LTBP3: variants seen among roughly 807,000 people sequenced by gnomAD.
LTBP3 encodes the protein latent transforming growth factor beta binding protein 3.
LTBP3 carries 97 observed loss-of-function variants against 159.7 expected under a neutral mutation model. The ratio of observed to expected loss-of-function variants is 0.61; its 90% CI spans 0.52 to 0.72. The LOEUF is 0.72. Ranked by LOEUF, LTBP3 falls within the 30% of genes least tolerant of loss-of-function variation. The pLI is 0.00. For synonymous variants in LTBP3, 824 were observed against 777.1 expected, an observed-to-expected ratio of 1.06 and a Z score of -1.00; for missense variants, 1,584 against 1,864.3, an observed-to-expected ratio of 0.85 and a Z score of 2.77.
chr11:65,553,038 C>T lies in LTBP3; in HGVS notation c.1064-56G>A. 1 of 1,613,598 alleles carries T rather than the reference C, an allele frequency of 6.2e-7. No individual in the cohort carries two copies. Among genetic ancestry groups the T allele is most frequent in the East Asian group, 2.2e-5 (1 of 44,884 alleles). On this transcript the variant is annotated intron_variant, in intron 5 of 27. Transcript: ENST00000301873. This position sits in a 1 kb window ranked among gnomAD's most constrained non-coding sequence, Gnocchi z 6.5. ...TCTGGGGCCATGGGGTGACAGCAGGCTGCTCCAAGAACCTCAGGGTCTTGC... is the reference window on the plus strand; with the variant it reads ...TCTGGGGCCATGGGGTGACAGCAGGTTGCTCCAAGAACCTCAGGGTCTTGC...
chr11:65,540,799 T>G (rs1427627889), intron 21 of LTBP3, 72 bp downstream of exon 21: 11 of 1,498,850 alleles, frequency 7.3e-6, no homozygotes, highest in Non-Finnish European at 9.9e-6. Flanking sequence ...ACCCAGCGAG[T>G]CCCGGCGGGA....
intron 20 of LTBP3, 46 bp downstream of exon 20, chr11:65,541,080 G>A: frequency 1.3e-6 from 2 of 1,596,396 alleles, no homozygotes; most frequent in Non-Finnish European, 1.7e-6. Flanking sequence ...TTGGCTTCCA[G>A]ATGAAGAAAC....
Position 65,558,007 on chromosome 11 carries a change from AG to A in LTBP3, c.-49del. ...AGGGGGGGCGCGCCCGGGCGGGGCG[AG>A]GGGCCCGCGCCCGAAGGGAGTAGAG... On this transcript the variant is annotated 5_prime_UTR_variant, in exon 1 of 28. Transcript: ENST00000301873. 1 of 1,090,656 alleles carries A rather than the reference AG, an allele frequency of 9.2e-7. No homozygotes were observed. The highest frequency in any genetic ancestry group is 1.1e-6 in the Non-Finnish European group (1 of 898,230). 67.6% of individuals were successfully genotyped at this position (1,090,656 alleles called of 1,614,324 possible).
rs955474308 is a variant in LTBP3 at position 65,546,285 on chromosome 11, C to A, written c.2353+157G>T. ...TTCCTACGTGGAAATTCTAGTGGTG[C>A]CTTCCTTGGCAAAGTTCGTTGAGAA... On this transcript the variant is annotated intron_variant, in intron 16 of 27. Coordinates refer to ENST00000301873, the MANE Select transcript of LTBP3 (RefSeq NM_001130144.3). The surrounding 1 kb of genome is among the most constrained non-coding windows in gnomAD (Gnocchi z 4.0). The A allele has an allele frequency of 3.2e-6, 3 of 951,674 alleles. No individual in the cohort carries two copies. Among genetic ancestry groups the A allele is most frequent in the Admixed American group, 6.3e-5 (2 of 31,914 alleles). 59.0% of individuals were successfully genotyped at this position (951,674 alleles called of 1,614,324 possible).
rs370953966 is a variant in LTBP3 at position 65,558,133 on chromosome 11, C to G, written c.-174G>C. The G allele has an allele frequency of 2.9e-5, 31 of 1,080,020 alleles. No homozygotes were observed. The South Asian group carries it at 5.0e-4, about 17-fold the overall frequency. 66.9% of individuals were successfully genotyped at this position (1,080,020 alleles called of 1,614,324 possible). On this transcript the variant is annotated 5_prime_UTR_variant, in exon 1 of 28. Coordinates refer to ENST00000301873, the MANE Select transcript of LTBP3 (RefSeq NM_001130144.3). ...GGGCCCGGCGGGAGGCGCGGAGATGCAGACTGGACAGCGGGGAGCGCAGAA... is the reference window on the plus strand; with the variant it reads ...GGGCCCGGCGGGAGGCGCGGAGATGGAGACTGGACAGCGGGGAGCGCAGAA...
intron 18 of LTBP3, 147 bp from the exon 19 acceptor site, chr11:65,541,875 T>A: frequency 1.1e-6 from 1 of 879,886 alleles, no homozygotes; most frequent in Non-Finnish European, 1.8e-6. Context: ...TGTGCATGTG[T>A]CTGAATGTGC....
intron 17 of LTBP3, 63 bp downstream of exon 17, chr11:65,543,364 T>TG: frequency 6.2e-7 from 1 of 1,611,796 alleles, no homozygotes; most frequent in Admixed American, 1.7e-5. Context: ...GACTGGACCC[T>TG]GGGGGGTGGG....
chr11:65,546,669 G>T lies in LTBP3; in HGVS notation c.2231-105C>A. 1 of 1,556,054 alleles carries T rather than the reference G, an allele frequency of 6.4e-7. No individual in the cohort carries two copies. Among genetic ancestry groups the T allele is most frequent in the South Asian group, 1.1e-5 (1 of 87,232 alleles). On this transcript the variant is annotated intron_variant, in intron 15 of 27. Transcript: ENST00000301873. The surrounding 1 kb of genome is among the most constrained non-coding windows in gnomAD (Gnocchi z 4.0). The stretch of plus-strand genomic sequence containing the variant: ...CCTGGAACGCGGGGTTGAGAGGGCA[G>T]CCTCTACTCCCGGAAGGCCCCGCCC...
At position 65,553,812 on chromosome 11, in the gene LTBP3, C is replaced by T. The variant is rs763540109; in HGVS notation, c.753G>A (p.Glu251=). Residue 251 remains glutamate (E), a synonymous_variant, in exon 3 of 28, where the codon GAG becomes GAA. Coordinates refer to ENST00000301873, the MANE Select transcript of LTBP3 (RefSeq NM_001130144.3). The surrounding 1 kb of genome is among the most constrained non-coding windows in gnomAD (Gnocchi z 6.5). The stretch of plus-strand genomic sequence containing the variant: ...GCAGGTGCTGGGAGGGGGCTGCGCT[C>T]TCGGCGTTCGAGCTCTCAATGCGGT... ...QVHRIESSNA[E]SAAPSQHLLP... The T allele has an allele frequency of 1.9e-6, 3 of 1,562,060 alleles. No homozygotes were observed. The highest frequency in any genetic ancestry group is 2.6e-6 in the Non-Finnish European group (3 of 1,161,482).
In LTBP3 at chr11:65,540,234, C is replaced by T; in HGVS notation, c.3244+11G>A. ...CCTCCCGCGTACCCCACTCCCCGGC[C>T]CGGGCCTCACCCATCTCTTCCGGGC... On this transcript the variant is annotated intron_variant, in intron 23 of 27. Coordinates refer to ENST00000301873, the MANE Select transcript of LTBP3 (RefSeq NM_001130144.3). 1 of 1,549,148 alleles carries T rather than the reference C, an allele frequency of 6.5e-7. No homozygotes were observed. Among genetic ancestry groups the T allele is most frequent in the Non-Finnish European group, 8.7e-7 (1 of 1,146,654 alleles).
Position 65,538,934 on chromosome 11 carries a change from G to A in LTBP3, c.*146C>T. ...TAACCGGGGAGGGGGGCCGGTAGGG[G>A]CGCCTCGGGTCTCAAGGCGCCGGGA... On this transcript the variant is annotated 3_prime_UTR_variant, in exon 28 of 28. Transcript: ENST00000301873. 2 of 1,301,556 alleles carry A rather than the reference G, an allele frequency of 1.5e-6. No homozygotes were observed. The highest frequency in any genetic ancestry group is 3.9e-5 in the Admixed American group (1 of 25,896). 80.6% of individuals were successfully genotyped at this position (1,301,556 alleles called of 1,614,324 possible).
In LTBP3 at chr11:65,538,828, C is replaced by A; in HGVS notation, c.*252G>T. 1.2e-6 allele frequency: 1 copy of A among 814,460 alleles called. No homozygotes were observed. The highest frequency in any genetic ancestry group is 2.3e-5 in the South Asian group (1 of 44,006). 50.5% of individuals were successfully genotyped at this position (814,460 alleles called of 1,614,324 possible). On this transcript the variant is annotated 3_prime_UTR_variant, in exon 28 of 28. Transcript: ENST00000301873. Reference sequence around the variant, plus strand: ...TTCGAAAGCCAAGGGTAAAGAGGCACGATCTGATTTATCAGTTTCTAGGAA... The same window carrying A: ...TTCGAAAGCCAAGGGTAAAGAGGCAAGATCTGATTTATCAGTTTCTAGGAA...
Position 65,546,895 on chromosome 11 carries a change from G to A in LTBP3, c.2133C>T (p.Ser711=), listed in dbSNP as rs1856397848. Reference sequence around the variant, plus strand: ...TCTCGCATTTGCCATCCGGGCAAGAGCTTGGGTCCCGGCACTCGTCGATGT... The same window carrying A: ...TCTCGCATTTGCCATCCGGGCAAGAACTTGGGTCCCGGCACTCGTCGATGT... ...CEDIDECRDP[S]SCPDGKCENK... Residue 711 remains serine (S), a synonymous_variant, in exon 15 of 28, where the codon AGC becomes AGT. Transcript: ENST00000301873. The surrounding 1 kb of genome is among the most constrained non-coding windows in gnomAD (Gnocchi z 4.0). 1.2e-6 allele frequency: 2 copies of A among 1,612,562 alleles called. No homozygotes were observed. The highest frequency in any genetic ancestry group is 1.7e-6 in the Non-Finnish European group (2 of 1,179,990).
rs111330939 is a variant in LTBP3, at chr11:65,552,081, G to A, written c.1422C>T (p.Gly474=). ...GCAGGAAAAGGGAAAAGTCACTCTC[G>A]CCCTGAATGGTGAGCGTCTGGTGGG... is the stretch of plus-strand genomic sequence containing the variant. The part of the protein sequence containing the change: ...LTSHQTLTIQ[G]ESDFSLFLHP... The change falls in exon 8 of 28, where the codon GGC becomes GGT. Residue 474 remains glycine, a synonymous_variant. Coordinates refer to ENST00000301873, the MANE Select transcript of LTBP3 (RefSeq NM_001130144.3). The surrounding 1 kb of genome is among the most constrained non-coding windows in gnomAD (Gnocchi z 6.0). 20 of 1,614,146 alleles carry A rather than the reference G, an allele frequency of 1.2e-5. No individual in the cohort carries two copies. Among genetic ancestry groups the A allele is most frequent in the African/African-American group, 6.7e-5 (5 of 75,026 alleles).
rs1056669370 is a variant in LTBP3 at position 65,546,163 on chromosome 11, G to A, written c.2353+279C>T. ...GTATAATAAACAGGAGTGCAGGGGG[G>A]AGTACTATCGTCTGCCCTCATTCTT... On this transcript the variant is annotated intron_variant, in intron 16 of 27. Transcript: ENST00000301873. The surrounding 1 kb of genome is among the most constrained non-coding windows in gnomAD (Gnocchi z 4.0). 6 of 483,392 alleles carry A rather than the reference G, an allele frequency of 1.2e-5. No individual in the cohort carries two copies. The highest frequency in any genetic ancestry group is 3.8e-5 in the Admixed American group (1 of 26,498). 29.9% of individuals were successfully genotyped at this position (483,392 alleles called of 1,614,324 possible). A position where few individuals can be genotyped will look rare whatever the true frequency, so the allele number is the denominator to read the frequency against.
chr11:65,553,759 C>T lies in LTBP3; in HGVS notation c.806G>A (p.Arg269Gln), dbSNP rs1340825955. 6.4e-7 allele frequency: 1 copy of T among 1,573,842 alleles called. No homozygotes were observed. Among genetic ancestry groups the T allele is most frequent in the Admixed American group, 1.8e-5 (1 of 56,184 alleles). ...LLPHPKPSHP[R>Q]PPTQKPLGRC... ...GCCCAGGGGCTTCTGGGTGGGCGGC[C>T]GGGGGTGCGAGGGCTTGGGGTGCGG... The change falls in exon 3 of 28, where the codon CGG becomes CAG. Residue 269 changes from arginine (R) to glutamine (Q), a missense_variant. Coordinates refer to ENST00000301873, the MANE Select transcript of LTBP3 (RefSeq NM_001130144.3). The surrounding 1 kb of genome is among the most constrained non-coding windows in gnomAD (Gnocchi z 6.5).
Position 65,548,007 on chromosome 11 carries a change from G to A in LTBP3, c.1759C>T (p.His587Tyr). 1 of 1,613,894 alleles carries A rather than the reference G, an allele frequency of 6.2e-7. No individual in the cohort carries two copies. The highest frequency in any genetic ancestry group is 8.5e-7 in the Non-Finnish European group (1 of 1,179,986). ...ECRLNQNICG[H>Y]GECVPGPPDY... ...GGGGGGCCCGGCACGCACTCTCCGT[G>A]GCCACAGATGTTCTGGTTCAGTCGG... The change falls in exon 12 of 28, where the codon CAC (histidine) becomes TAC (tyrosine). Residue 587 changes from histidine to tyrosine, a missense_variant. Transcript: ENST00000301873.
Position 65,540,302 on chromosome 11 carries a change from T to A in LTBP3, c.3187A>T (p.Thr1063Ser), listed in dbSNP as rs748024479. ...GCGGGACTGTACTCGGCAGGGGGCG[T>A]GCAGGCACAGCGGTAGCCGCCGCGC... is the stretch of plus-strand genomic sequence containing the variant. ...NTRGGYRCAC[T>S]PPAEYSPAQR... Residue 1063 changes from threonine to serine, a missense_variant, in exon 23 of 28, where the codon ACG becomes TCG. This residue lies in a region of LTBP3 where 514 missense variants were observed against 530.3 expected (regional missense o/e 0.97). Coordinates refer to ENST00000301873, the MANE Select transcript of LTBP3 (RefSeq NM_001130144.3). The A allele has an allele frequency of 1.9e-6, 3 of 1,564,772 alleles. No homozygotes were observed. Among genetic ancestry groups the A allele is most frequent in the Non-Finnish European group, 2.6e-6 (3 of 1,154,990 alleles).
In LTBP3 at chr11:65,551,190, G is replaced by C. The variant is rs914060784; in HGVS notation, c.1656C>G (p.Arg552=). The change falls in exon 11 of 28, where the codon CGC becomes CGG. Residue 552 remains arginine (R), a synonymous_variant. Coordinates refer to ENST00000301873, the MANE Select transcript of LTBP3 (RefSeq NM_001130144.3). ...AAGGAGGCAAGTCCGGCAGGAACCA[G>C]CGCATGGTCGGGGGCGAGGGACGGG... ...LISRPSPPTM[R]WFLPDLPPSR... 7 of 1,551,148 alleles carry C rather than the reference G, an allele frequency of 4.5e-6. No homozygotes were observed. The highest frequency in any genetic ancestry group is 6.1e-6 in the Non-Finnish European group (7 of 1,148,144).
Sources: allele counts gnomAD v4.1 joint callset, GRCh38; gene constraint gnomAD v4.1.1; regional missense constraint gnomAD v4.1.1; non-coding constraint Gnocchi (gnomAD v3.1); transcripts MANE v1.5; gene names NCBI Gene and HGNC (gene_info 2026-07-23, HGNC 2026-07-21).